ZFAND6: variants seen among roughly 807,000 people sequenced by gnomAD.
ZFAND6 encodes the protein AN1-type zinc finger protein 6.
A neutral mutation model predicts 24.5 loss-of-function variants in ZFAND6; 12 were observed. That is an observed-to-expected ratio of 0.49 (90% CI 0.31 to 0.79). The LOEUF is 0.79. Ranked by LOEUF, ZFAND6 falls within the 30% of genes least tolerant of loss-of-function variation. ZFAND6 has a pLI of 0.04. For missense variants in ZFAND6, 207 were observed against 245.9 expected (o/e 0.84, Z 1.06); for synonymous variants, 92 against 81.5 (o/e 1.13, Z -0.69).
At chr15:80,110,365 A>C (rs2141979535) in intron 2 of ZFAND6, among the ~76,000 whole-genome samples, 1 of 152,322 alleles carries the variant, frequency 6.6e-6, no homozygotes, top group African/African-American at 2.4e-5. Flanking sequence ...GAATATCCAA[A>C]AGATATGCAA....
At chr15:80,092,475 A>G (rs2038441468) in intron 1 of ZFAND6, among the ~76,000 whole-genome samples, 1 of 152,198 alleles carries the variant, frequency 6.6e-6, no homozygotes, top group Admixed American at 6.5e-5. Context: ...AAACAGTATA[A>G]TAAACTGAAT....
At chr15:80,090,233 C>T (rs1190393429) in intron 1 of ZFAND6, among the ~76,000 whole-genome samples, 1 of 152,120 alleles carries the variant, frequency 6.6e-6, no homozygotes, top group Non-Finnish European at 1.5e-5. Context: ...CTGATAGTAC[C>T]TAAGTACTCA....
chr15:80,114,218 G>A (rs921648365), intron 2 of ZFAND6, among the ~76,000 whole-genome samples: 2 of 152,200 alleles, frequency 1.3e-5, no homozygotes, highest in African/African-American at 4.8e-5. Context: ...AGTGATGTAA[G>A]TGCCCTCTTA....
intron 5 of ZFAND6, 158 bp from the exon 6 acceptor site, chr15:80,131,022 G>T (rs1039896024): frequency 1.8e-5 from 9 of 492,006 alleles, no homozygotes; most frequent in Admixed American, 3.6e-5. Flanking sequence ...TAACAAAAAG[G>T]GGTCATATTT....
intron 2 of ZFAND6, 77 bp from the exon 3 acceptor site, chr15:80,120,251 A>G (rs999124807): frequency 3.2e-6 from 4 of 1,234,076 alleles, no homozygotes; most frequent in Non-Finnish European, 4.3e-6. Context: ...TTTCTTTATC[A>G]TATAAAAGCA....
chr15:80,075,531 G>A (rs2037223459), intron 1 of ZFAND6, among the ~76,000 whole-genome samples: 2 of 151,988 alleles, frequency 1.3e-5, no homozygotes, highest in African/African-American at 4.8e-5. Flanking sequence ...ATTGACCTAG[G>A]TATTTGGGTC....
chr15:80,069,824 G>A (rs1339595382), intron 1 of ZFAND6, among the ~76,000 whole-genome samples: 1 of 152,032 alleles, frequency 6.6e-6, no homozygotes, highest in Non-Finnish European at 1.5e-5. Context: ...GGCCAGGCTG[G>A]TCTTGAACTC....
intron 2 of ZFAND6, among the ~76,000 whole-genome samples, chr15:80,105,406 A>C (rs2039269328): frequency 6.6e-6 from 1 of 152,160 alleles, no homozygotes; most frequent in Non-Finnish European, 1.5e-5. Context: ...AGCTATGGGT[A>C]AATAAGGAGT....
chr15:80,118,054 A>G (rs2039969367), intron 2 of ZFAND6, among the ~76,000 whole-genome samples: 2 of 148,190 alleles, frequency 1.3e-5, no homozygotes, highest in African/African-American at 2.5e-5. Context: ...GTATATACAT[A>G]TATGTATACA....
intron 1 of ZFAND6, among the ~76,000 whole-genome samples, chr15:80,091,723 T>G (rs1045605475): frequency 2.0e-5 from 3 of 152,196 alleles, no homozygotes; most frequent in Admixed American, 2.0e-4. Context: ...CACTGTAACC[T>G]CAAACTCCAG....
intron 1 of ZFAND6, among the ~76,000 whole-genome samples, chr15:80,065,812 T>C (rs1478003394): frequency 6.6e-6 from 1 of 152,096 alleles, no homozygotes; most frequent in Non-Finnish European, 1.5e-5. Flanking sequence ...CCCAAAGTGC[T>C]GGGATTACAG....
intron 2 of ZFAND6, among the ~76,000 whole-genome samples, chr15:80,111,833 A>C (rs2039624553): frequency 6.6e-6 from 1 of 152,196 alleles, no homozygotes; most frequent in Non-Finnish European, 1.5e-5. Flanking sequence ...CAGGTAGCTA[A>C]AATTGAAGGT....
chr15:80,076,097 G>A (rs1033442506), intron 1 of ZFAND6, among the ~76,000 whole-genome samples: 4 of 152,038 alleles, frequency 2.6e-5, no homozygotes, highest in African/African-American at 7.2e-5. Flanking sequence ...ATAGAAGTTC[G>A]TAGCATTTTG....
chr15:80,062,979 T>G (rs1389877630), intron 1 of ZFAND6, among the ~76,000 whole-genome samples: 3 of 152,234 alleles, frequency 2.0e-5, no homozygotes, highest in African/African-American at 7.2e-5. Context: ...AGAAGTCATC[T>G]GTTACCATTG....
intron 1 of ZFAND6, among the ~76,000 whole-genome samples, chr15:80,087,817 G>A (rs2038093597): frequency 6.6e-6 from 1 of 152,030 alleles, no homozygotes; most frequent in Non-Finnish European, 1.5e-5. Context: ...ACTGTGTCCT[G>A]TTTGCTTTAT....
chr15:80,085,096 T>G (rs970210216), intron 1 of ZFAND6, among the ~76,000 whole-genome samples: 1 of 152,226 alleles, frequency 6.6e-6, no homozygotes, highest in African/African-American at 2.4e-5. Context: ...TGTTGGCTGC[T>G]GATTCTTCCA....
chr15:80,118,913 T>A (rs571575919), intron 2 of ZFAND6, among the ~76,000 whole-genome samples: 3 of 152,358 alleles, frequency 2.0e-5, no homozygotes, highest in East Asian at 1.9e-4. Context: ...GACAGTAAAC[T>A]GTGAATGCTT....
At chr15:80,115,425 G>A (rs1220856839) in intron 2 of ZFAND6, among the ~76,000 whole-genome samples, 2 of 152,136 alleles carry the variant, frequency 1.3e-5, no homozygotes, top group Non-Finnish European at 2.9e-5. Flanking sequence ...ATTCCACAGT[G>A]CAGCAGTTAA....
At chr15:80,084,470 A>C (rs1472071449) in intron 1 of ZFAND6, among the ~76,000 whole-genome samples, 2 of 152,246 alleles carry the variant, frequency 1.3e-5, no homozygotes, top group African/African-American at 4.8e-5. Flanking sequence ...CTAATAACTG[A>C]GGCCTAACTG....
Sources: gnomAD v4.1 joint callset for allele counts (sites outside exome capture counted in the v4.1 genomes callset) on GRCh38, gnomAD v4.1.1 for gene constraint, MANE v1.5 for transcripts, NCBI Gene and HGNC (gene_info 2026-07-23, HGNC 2026-07-21) for gene names.